PPARGC1A: variants seen among roughly 807,000 people sequenced by gnomAD.
PPARGC1A encodes PPARG coactivator 1 alpha, also known as peroxisome proliferator-activated receptor gamma coactivator 1-alpha.
Under a neutral mutation model 88.7 loss-of-function variants are expected in PPARGC1A, and 25 were observed. The ratio of observed to expected loss-of-function variants is 0.28; its 90% CI spans 0.21 to 0.39. PPARGC1A has a LOEUF of 0.39. Ranked by LOEUF, PPARGC1A falls within the 10% of genes least tolerant of loss-of-function variation. The pLI, the probability that PPARGC1A is intolerant of heterozygous loss-of-function variation, is 1.00. For missense variants in PPARGC1A, 880 were observed against 968.7 expected, an observed-to-expected ratio of 0.91 and a Z score of 1.22; for synonymous variants, 363 against 355.6, an observed-to-expected ratio of 1.02 and a Z score of -0.24.
At chr4:23,800,876 T>C (rs888237976) in intron 12 of PPARGC1A, among the ~76,000 whole-genome samples, 9 of 151,676 alleles carry the variant, frequency 5.9e-5, no homozygotes, top group Non-Finnish European at 2.9e-5. Context: ...CCTCCTAGGA[T>C]AGTTCTAGTA....
the PPARGC1A span, among the ~76,000 whole-genome samples, chr4:24,291,899 G>T: frequency 6.6e-6 from 1 of 152,166 alleles, no homozygotes; most frequent in Non-Finnish European, 1.5e-5. Context: ...AAGTGAATTC[G>T]AAGAGAAAAA....
At chr4:24,121,937 A>G in the PPARGC1A span, among the ~76,000 whole-genome samples, 10 of 152,254 alleles carry the variant, frequency 6.6e-5, no homozygotes, top group East Asian at 1.7e-3. Flanking sequence ...TGAGAACCTC[A>G]TTTTAGCAAG....
chr4:24,339,965 C>A, the PPARGC1A span, among the ~76,000 whole-genome samples: 1 of 152,070 alleles, frequency 6.6e-6, no homozygotes, highest in Non-Finnish European at 1.5e-5. Flanking sequence ...TTTCCATCTC[C>A]TGACCTCGTG....
At chr4:24,082,069 A>G in the PPARGC1A span, among the ~76,000 whole-genome samples, 1 of 152,154 alleles carries the variant, frequency 6.6e-6, no homozygotes, top group Non-Finnish European at 1.5e-5. Context: ...AAGTGTAGTC[A>G]TATTTATTGT....
At chr4:23,823,978 T>G (rs1723455474) in intron 7 of PPARGC1A, among the ~76,000 whole-genome samples, 1 of 152,108 alleles carries the variant, frequency 6.6e-6, no homozygotes, top group African/African-American at 2.4e-5. Flanking sequence ...ACGACTCACT[T>G]TTTGGTGGGG....
intron 2 of PPARGC1A, among the ~76,000 whole-genome samples, chr4:23,861,276 G>A (rs1731186286): frequency 6.6e-6 from 1 of 152,210 alleles, no homozygotes; most frequent in South Asian, 2.1e-4. Context: ...ACATGCTGAA[G>A]TGGAATTACT....
At chr4:24,099,255 G>A in the PPARGC1A span, among the ~76,000 whole-genome samples, 1 of 141,978 alleles carries the variant, frequency 7.0e-6, no homozygotes, top group African/African-American at 2.8e-5. Flanking sequence ...GAGGGAAGCT[G>A]GAAACTTCTT....
the PPARGC1A span, among the ~76,000 whole-genome samples, chr4:24,087,249 A>G: frequency 6.6e-6 from 1 of 152,194 alleles, no homozygotes; most frequent in African/African-American, 2.4e-5. Flanking sequence ...TGTAAAATCG[A>G]AGGCTTAGGA....
At chr4:23,985,468 A>ATTT in the PPARGC1A span, among the ~76,000 whole-genome samples, 117 of 144,382 alleles carry the variant, frequency 8.1e-4, no homozygotes, top group East Asian at 5.8e-3. Context: ...TATCTCTGCA[A>ATTT]TTTTTTTTTT....
At chr4:24,170,294 T>C in the PPARGC1A span, among the ~76,000 whole-genome samples, 6 of 152,162 alleles carry the variant, frequency 3.9e-5, no homozygotes, top group Non-Finnish European at 5.9e-5. Context: ...AAAGAGATCC[T>C]AAAATTGCAA....
the PPARGC1A span, among the ~76,000 whole-genome samples, chr4:23,917,574 C>T: frequency 1.3e-5 from 2 of 152,068 alleles, no homozygotes; most frequent in Non-Finnish European, 2.9e-5. Context: ...CTGCCTGCCT[C>T]GGCTTCCCAA....
chr4:24,015,874 T>C, the PPARGC1A span, among the ~76,000 whole-genome samples: 1 of 152,182 alleles, frequency 6.6e-6, no homozygotes, highest in Admixed American at 6.5e-5. Flanking sequence ...CACCATATAT[T>C]AGCTTGAAGA....
chr4:23,979,117 A>C, the PPARGC1A span, among the ~76,000 whole-genome samples: 1 of 152,346 alleles, frequency 6.6e-6, no homozygotes, highest in East Asian at 1.9e-4. Context: ...CGTTTAACTC[A>C]ATAATGTAGC....
chr4:24,441,860 G>A, the PPARGC1A span, among the ~76,000 whole-genome samples: 1 of 152,244 alleles, frequency 6.6e-6, no homozygotes, highest in Non-Finnish European at 1.5e-5. Flanking sequence ...TAGCTCAAGA[G>A]CATGCTGCTC....
At chr4:23,961,533 A>AT in the PPARGC1A span, among the ~76,000 whole-genome samples, 1 of 152,134 alleles carries the variant, frequency 6.6e-6, no homozygotes, top group Non-Finnish European at 1.5e-5. Flanking sequence ...GCATGAATCC[A>AT]TTTCCCAGAG....
At chr4:23,905,781 A>C (rs2148890747), upstream of PPARGC1A, among the ~76,000 whole-genome samples, 1 of 152,376 alleles carries the variant, frequency 6.6e-6, no homozygotes, top group Middle Eastern at 3.4e-3. Flanking sequence ...AAAGCTTGTA[A>C]GTGGGAGACC....
the PPARGC1A span, among the ~76,000 whole-genome samples, chr4:24,103,211 G>T: frequency 6.6e-6 from 1 of 152,110 alleles, no homozygotes. Flanking sequence ...TTGAAAGGGG[G>T]AAGCCTTGGC....
chr4:24,203,032 A>G, the PPARGC1A span, among the ~76,000 whole-genome samples: 1 of 152,150 alleles, frequency 6.6e-6, no homozygotes, highest in Non-Finnish European at 1.5e-5. Context: ...GTGGCCCCAA[A>G]AGGGACTTAC....
intron 2 of PPARGC1A, among the ~76,000 whole-genome samples, chr4:23,875,410 T>A (rs547528203): frequency 6.6e-6 from 1 of 152,240 alleles, no homozygotes; most frequent in African/African-American, 2.4e-5. Context: ...AATTTCCTAT[T>A]CTAACAAAGT....
Sources: gnomAD v4.1 joint callset for allele counts (sites outside exome capture counted in the v4.1 genomes callset) on GRCh38, gnomAD v4.1.1 for gene constraint, MANE v1.5 for transcripts, NCBI Gene and HGNC (gene_info 2026-07-23, HGNC 2026-07-21) for gene names.